Variants in HDAC9 observed in about 807,000 individuals in gnomAD.
HDAC9 encodes the protein MEF-2 interacting transcription repressor (MITR) protein.
In HDAC9, 41 loss-of-function variants were observed where a neutral mutation model predicts 139.4. The observed-to-expected ratio is 0.29, with a 90% CI of 0.23 to 0.38. HDAC9 has a LOEUF of 0.38. HDAC9 is among the 10% of genes least tolerant of loss of function. HDAC9 has a pLI of 1.00. For synonymous variants in HDAC9, 517 were observed against 476.2 expected (o/e 1.09, Z -1.12); for missense variants, 1,147 against 1,297.0 (o/e 0.88, Z 1.78).
intron 11 of HDAC9, among the ~76,000 whole-genome samples, chr7:18,662,170 ATGCTATGAT>A (rs1793374809): frequency 6.6e-6 from 1 of 152,098 alleles, no homozygotes. Flanking sequence ...ATTTTCAAAA[ATGCTATGAT>A]TTTTGTGTTA....
chr7:18,273,087 C>G (rs1367400140), intron 2 of HDAC9, among the ~76,000 whole-genome samples: 2 of 76,152 alleles, frequency 2.6e-5, no homozygotes, highest in Admixed American at 2.7e-4. Context: ...TTTTTTTGAA[C>G]AAGACAGGAT....
intron 2 of HDAC9, among the ~76,000 whole-genome samples, chr7:18,192,949 T>C (rs1790459175): frequency 6.6e-6 from 1 of 152,218 alleles, no homozygotes; most frequent in Non-Finnish European, 1.5e-5. Context: ...ATGAGGAAAC[T>C]GAAAGAGGCT....
At chr7:18,391,803 T>G (rs1408607955) in intron 1 of HDAC9, among the ~76,000 whole-genome samples, 1 of 152,236 alleles carries the variant, frequency 6.6e-6, no homozygotes, top group African/African-American at 2.4e-5. Context: ...CTCTGGTTTC[T>G]TCTTCTGTCA....
In HDAC9 at chr7:18,884,355, G is replaced by C. The variant is rs577731445; in HGVS notation, c.2803+9759G>C. ...ACAGTGGCATAAAAACAGACACATAGACCAATGGAACAGAATAGAGGACCC... is the reference window on the plus strand; with the variant it reads ...ACAGTGGCATAAAAACAGACACATACACCAATGGAACAGAATAGAGGACCC... On this transcript the variant is annotated intron_variant, in intron 22 of 25. Transcript: ENST00000686413. 2.6e-3 allele frequency among the ~76,000 whole-genome samples: 398 copies of C among 152,236 alleles called. 1 individual carries two copies. Among genetic ancestry groups the C allele is most frequent in the Non-Finnish European group, 4.1e-3 (281 of 67,998 alleles).
At chr7:18,734,898 G>T (rs1786742557) in intron 13 of HDAC9, among the ~76,000 whole-genome samples, 1 of 152,166 alleles carries the variant, frequency 6.6e-6, no homozygotes, top group Non-Finnish European at 1.5e-5. Context: ...TCCAGCATCT[G>T]TTGTTTCCTG....
intron 1 of HDAC9, among the ~76,000 whole-genome samples, chr7:18,111,338 C>G (rs144976529): frequency 1.1e-3 from 160 of 152,214 alleles, no homozygotes; most frequent in African/African-American, 3.5e-3. Flanking sequence ...AGTGAGATTG[C>G]CCAGACTAGG....
intron 12 of HDAC9, among the ~76,000 whole-genome samples, chr7:18,681,304 T>C (rs1260346324): frequency 2.6e-5 from 4 of 152,032 alleles, no homozygotes; most frequent in Non-Finnish European, 5.9e-5. Context: ...AAAAAGATGG[T>C]GATTAATACA....
At chr7:18,762,061 C>A in intron 14 of HDAC9, 96 bp from the exon 15 acceptor site, 1 of 1,284,212 alleles carries the variant, frequency 7.8e-7, no homozygotes, top group Non-Finnish European at 1.1e-6. Flanking sequence ...TGATGAAATT[C>A]AGCCCATTAT....
chr7:18,722,231 G>A (rs1337321110), intron 12 of HDAC9, among the ~76,000 whole-genome samples: 4 of 152,058 alleles, frequency 2.6e-5, no homozygotes, highest in African/African-American at 9.7e-5. Flanking sequence ...GAAAAAGAAA[G>A]ACGAATACTT....
intron 1 of HDAC9, among the ~76,000 whole-genome samples, chr7:18,402,084 A>G (rs1787594913): frequency 6.6e-6 from 1 of 152,182 alleles, no homozygotes; most frequent in Admixed American, 6.5e-5. Flanking sequence ...AAAGGAAACA[A>G]CTAATATTTG....
chr7:18,318,759 G>A (rs1465965216), intron 1 of HDAC9, among the ~76,000 whole-genome samples: 1 of 152,130 alleles, frequency 6.6e-6, no homozygotes, highest in Non-Finnish European at 1.5e-5. Flanking sequence ...GTCTGTCACA[G>A]AATTATGTGA....
At chr7:18,674,616 C>T (rs1344850051) in intron 12 of HDAC9, among the ~76,000 whole-genome samples, 1 of 152,000 alleles carries the variant, frequency 6.6e-6, no homozygotes, top group Non-Finnish European at 1.5e-5. Flanking sequence ...ATGAAATGTT[C>T]AGCTGAACTT....
intron 5 of HDAC9, 147 bp downstream of exon 5, chr7:18,591,789 T>C: frequency 8.9e-7 from 1 of 1,129,372 alleles, no homozygotes; most frequent in Non-Finnish European, 1.2e-6. Flanking sequence ...ATCAGTTTCC[T>C]TCTCCATAAA....
intron 1 of HDAC9, among the ~76,000 whole-genome samples, chr7:18,116,614 CAT>C (rs201636240): frequency 1.6e-3 from 238 of 151,988 alleles, no homozygotes; most frequent in East Asian, 7.3e-3. Flanking sequence ...TATCAAATAA[CAT>C]ATGTATCAAA....
chr7:18,819,441 C>A (rs1258105047), intron 17 of HDAC9, among the ~76,000 whole-genome samples: 1 of 151,932 alleles, frequency 6.6e-6, no homozygotes, highest in Non-Finnish European at 1.5e-5. Flanking sequence ...ATAAATTTGC[C>A]CAGAAAATGT....
intron 16 of HDAC9, among the ~76,000 whole-genome samples, chr7:18,776,761 C>G (rs1790802880): frequency 6.6e-6 from 1 of 151,744 alleles, no homozygotes; most frequent in Non-Finnish European, 1.5e-5. Flanking sequence ...TGGTGACTGA[C>G]TTAAAGAGGG....
At chr7:18,519,414 T>C (rs1804284257) in intron 2 of HDAC9, among the ~76,000 whole-genome samples, 3 of 152,082 alleles carry the variant, frequency 2.0e-5, no homozygotes, top group Non-Finnish European at 1.5e-5. Context: ...AAACTGTAAA[T>C]CAGTAAGAAA....
chr7:18,851,178 T>G (rs370029891), intron 21 of HDAC9, among the ~76,000 whole-genome samples: 3 of 152,152 alleles, frequency 2.0e-5, no homozygotes, highest in African/African-American at 4.8e-5. Flanking sequence ...AGCTGCAGTA[T>G]CTATTCGCTC....
chr7:18,326,110 T>C (rs1800427974), intron 1 of HDAC9, among the ~76,000 whole-genome samples: 1 of 152,138 alleles, frequency 6.6e-6, no homozygotes, highest in Admixed American at 6.6e-5. Flanking sequence ...CCAATGATAT[T>C]CTGACACAGC....
Sources: gnomAD v4.1 joint callset for allele counts (sites outside exome capture counted in the v4.1 genomes callset) on GRCh38, gnomAD v4.1.1 for gene constraint, MANE v1.5 for transcripts, NCBI Gene and HGNC (gene_info 2026-07-23, HGNC 2026-07-21) for gene names.